CSMD1: variants seen among roughly 807,000 people sequenced by gnomAD.
CSMD1 encodes the protein CUB and Sushi multiple domains 1.
CSMD1 carries 213 observed loss-of-function variants against 417.5 expected under a neutral mutation model. That is an observed-to-expected ratio of 0.51 (90% CI 0.46 to 0.57). The LOEUF is 0.57. CSMD1 is among the 20% of genes least tolerant of loss of function. The pLI, the probability that CSMD1 is intolerant of heterozygous loss-of-function variation, is 0.00. For missense variants in CSMD1, 6,923 were observed against 4,529.7 expected, an observed-to-expected ratio of 1.53 and a Z score of -15.17; for synonymous variants, 2,862 against 1,736.8, an observed-to-expected ratio of 1.65 and a Z score of -16.11.
intron 2 of CSMD1, among the ~76,000 whole-genome samples, chr8:4,461,757 T>G (rs923206571): frequency 9.4e-6 from 1 of 105,880 alleles, no homozygotes; most frequent in Non-Finnish European, 1.9e-5. Context: ...TTTTTTTTTT[T>G]GGAGATGGAG....
At chr8:4,782,922 C>A (rs1247027913) in intron 1 of CSMD1, among the ~76,000 whole-genome samples, 1 of 146,546 alleles carries the variant, frequency 6.8e-6, no homozygotes, top group Non-Finnish European at 1.5e-5. Context: ...TATTTGGATT[C>A]TTATAAAACA....
At chr8:3,250,061 T>G (rs953552425) in intron 26 of CSMD1, among the ~76,000 whole-genome samples, 1 of 152,186 alleles carries the variant, frequency 6.6e-6, no homozygotes, top group African/African-American at 2.4e-5. Context: ...TATTTTTGTT[T>G]ATTTATTTTT....
At chr8:3,557,488 C>A (rs1490394449) in intron 10 of CSMD1, among the ~76,000 whole-genome samples, 1 of 151,934 alleles carries the variant, frequency 6.6e-6, no homozygotes, top group East Asian at 1.9e-4. Context: ...ATAATTTAAA[C>A]AACATGTCTC....
At chr8:3,723,655 T>A (rs937553842) in intron 6 of CSMD1, among the ~76,000 whole-genome samples, 1 of 80,808 alleles carries the variant, frequency 1.2e-5, no homozygotes, top group African/African-American at 3.3e-5. Context: ...CTTTGTAACT[T>A]CCCAAAACTT....
chr8:4,588,402 A>G (rs1472064055), intron 2 of CSMD1, among the ~76,000 whole-genome samples: 5 of 88,084 alleles, frequency 5.7e-5, no homozygotes, highest in African/African-American at 2.0e-4. Flanking sequence ...TCATAAAGAC[A>G]GAGATAAAGA....
intron 3 of CSMD1, among the ~76,000 whole-genome samples, chr8:4,056,081 T>TTC (rs1367033005): frequency 7.0e-6 from 1 of 142,798 alleles, no homozygotes; most frequent in Non-Finnish European, 1.5e-5. Context: ...TGGCTTCCTT[T>TTC]TTTTTTTTTT....
intron 6 of CSMD1, 95 bp from the exon 7 acceptor site, chr8:3,708,586 T>A: frequency 1.1e-6 from 1 of 926,144 alleles, no homozygotes; most frequent in Non-Finnish European, 1.8e-6. Flanking sequence ...AACTGCTTTC[T>A]ATCAACCCCC....
At chr8:3,866,620 C>T (rs184377546) in intron 5 of CSMD1, among the ~76,000 whole-genome samples, 1 of 152,128 alleles carries the variant, frequency 6.6e-6, no homozygotes, top group African/African-American at 2.4e-5. Flanking sequence ...ATCCCTCAAA[C>T]CCAAAGTCAC....
chr8:4,613,226 G>A (rs1315238243), intron 2 of CSMD1, among the ~76,000 whole-genome samples: 3 of 152,176 alleles, frequency 2.0e-5, no homozygotes, highest in Non-Finnish European at 4.4e-5. Context: ...TTTGTTGAGT[G>A]TGTACAAATT....
intron 1 of CSMD1, among the ~76,000 whole-genome samples, chr8:4,756,226 C>A (rs1811659692): frequency 1.3e-5 from 2 of 152,256 alleles, no homozygotes; most frequent in Admixed American, 1.3e-4. Flanking sequence ...TATAGGGCAT[C>A]ATGATGATGA....
chr8:4,724,121 G>A (rs1809255332), intron 1 of CSMD1, among the ~76,000 whole-genome samples: 1 of 152,092 alleles, frequency 6.6e-6, no homozygotes, highest in South Asian at 2.1e-4. Context: ...TTTCCTGTAA[G>A]ACAACTAGAC....
intron 3 of CSMD1, among the ~76,000 whole-genome samples, chr8:4,394,470 G>A (rs528381516): frequency 6.6e-6 from 1 of 152,246 alleles, no homozygotes; most frequent in Non-Finnish European, 1.5e-5. Context: ...AAACTGCTCA[G>A]GTTCTCTCCC....
At chr8:3,308,566 G>C (rs1454518895) in intron 23 of CSMD1, 63 bp from the exon 24 acceptor site, 20 of 1,345,426 alleles carry the variant, frequency 1.5e-5, no homozygotes, top group Non-Finnish European at 9.3e-6. Context: ...TTAAAACAGA[G>C]ATGAAACAAA....
chr8:4,368,860 T>C (rs1802242393), intron 3 of CSMD1, among the ~76,000 whole-genome samples: 1 of 152,152 alleles, frequency 6.6e-6, no homozygotes, highest in South Asian at 2.1e-4. Flanking sequence ...AAAATTAATC[T>C]ATCTCACAGT....
intron 2 of CSMD1, among the ~76,000 whole-genome samples, chr8:4,465,968 A>C (rs1800142824): frequency 1.3e-5 from 2 of 152,198 alleles, no homozygotes; most frequent in Non-Finnish European, 2.9e-5. Context: ...CTTGTGGGAG[A>C]GACAAGGACA....
At chr8:3,686,716 T>C (rs1340792599) in intron 7 of CSMD1, among the ~76,000 whole-genome samples, 1 of 152,232 alleles carries the variant, frequency 6.6e-6, no homozygotes, top group Non-Finnish European at 1.5e-5. Context: ...CCCAAGTCCC[T>C]TGGCCTTGCC....
At chr8:4,817,438 A>C (rs1799271877) in intron 1 of CSMD1, among the ~76,000 whole-genome samples, 2 of 152,380 alleles carry the variant, frequency 1.3e-5, no homozygotes, top group Middle Eastern at 3.4e-3. Flanking sequence ...TTTTCATAGA[A>C]GTAGGAGCAA....
chr8:3,304,365 T>TGAGTATTAGTACAATTTTA (rs1554507615), intron 25 of CSMD1, among the ~76,000 whole-genome samples: 3 of 152,162 alleles, frequency 2.0e-5, no homozygotes, highest in African/African-American at 4.8e-5. Context: ...CCATTTTTTC[T>TGAGTATTAGTACAATTTTA]GAGTATTAGT....
At chr8:3,155,486 G>C (rs2129037494) in intron 39 of CSMD1, among the ~76,000 whole-genome samples, 1 of 148,996 alleles carries the variant, frequency 6.7e-6, no homozygotes, top group East Asian at 2.0e-4. Context: ...TCCTGCCTCA[G>C]CCTCCCGAGT....
Sources: allele counts gnomAD v4.1 joint callset (sites outside exome capture counted in the v4.1 genomes callset), GRCh38; gene constraint gnomAD v4.1.1; transcripts MANE v1.5; gene names NCBI Gene and HGNC (gene_info 2026-07-23, HGNC 2026-07-21).